Variants in NAALADL2 observed in about 807,000 individuals in gnomAD.
The protein encoded by NAALADL2 is N-acetylated alpha-linked acidic dipeptidase like 2, also known as inactive N-acetylated-alpha-linked acidic dipeptidase-like protein 2.
A neutral mutation model predicts 87.2 loss-of-function variants in NAALADL2; 76 were observed. The observed-to-expected ratio is 0.87, with a 90% CI of 0.72 to 1.05. The LOEUF (loss-of-function observed/expected upper bound fraction) is 1.05, where lower values mean the gene tolerates loss of function less well. Ranked by LOEUF, NAALADL2 falls within the 50% of genes least tolerant of loss-of-function variation. NAALADL2 has a pLI of 0.00. For missense variants in NAALADL2, 1,089 were observed against 945.8 expected (o/e 1.15, Z -1.99); for synonymous variants, 354 against 331.0 (o/e 1.07, Z -0.75).
In NAALADL2 at chr3:175,627,338, A is replaced by G; in HGVS notation, c.1848A>G (p.Lys616=). 1 of 1,573,460 alleles carries G rather than the reference A, an allele frequency of 6.4e-7. No individual in the cohort carries two copies. The highest frequency in any genetic ancestry group is 8.6e-7 in the Non-Finnish European group (1 of 1,156,854). ...CCCGTTTTTCTACACGAGCAACAAA[A>G]ATTGAAGAAATGGATCCCTCTTTCA... ...SEARFSTRAT[K]IEEMDPSFNL... Residue 616 remains lysine (K), a synonymous_variant, in exon 11 of 14, where the codon AAA becomes AAG. Transcript: ENST00000454872.
intron 2 of NAALADL2, among the ~76,000 whole-genome samples, chr3:174,675,292 GAGAGCTGCTGC>G (rs1367973127): frequency 6.6e-6 from 1 of 152,024 alleles, no homozygotes; most frequent in Non-Finnish European, 1.5e-5. Context: ...ATTTGCACTT[GAGAGCTGCTGC>G]AGAAATGGGT....
chr3:174,617,567 G>C (rs897566702), intron 2 of NAALADL2, among the ~76,000 whole-genome samples: 1 of 151,566 alleles, frequency 6.6e-6, no homozygotes, highest in African/African-American at 2.4e-5. Context: ...AAAACAAACT[G>C]TATGTAAATA....
rs76833916 is a variant in NAALADL2 at position 175,661,328 on chromosome 3, G to A, written c.1896+33942G>A. Among the ~76,000 whole-genome samples the A allele has an allele frequency of 5.0e-3, 750 of 149,688 alleles. 6 individuals are homozygous for A. Among genetic ancestry groups the A allele is most frequent in the African/African-American group, 0.017 (686 of 41,070 alleles). ...TTGTTTTTTAGAAATGTCTTTTCAC[G>A]TCTTTTTCCCATTTTTAAATCAGAC... On this transcript the variant is annotated intron_variant, in intron 11 of 13. Transcript: ENST00000454872.
At position 175,573,861 on chromosome 3, in the gene NAALADL2, T is replaced by C. The variant is rs570362468; in HGVS notation, c.1654-2180T>C. 2.6e-5 allele frequency among the ~76,000 whole-genome samples: 4 copies of C among 151,856 alleles called. No individual in the cohort carries two copies. In the East Asian group the frequency reaches 7.7e-4, roughly 29 times the overall value. ...ACCATAAAAAGGATTAAGTTGCTACTGATTAGACTGTATGGTAAAAACATT... is the reference window on the plus strand; with the variant it reads ...ACCATAAAAAGGATTAAGTTGCTACCGATTAGACTGTATGGTAAAAACATT... On this transcript the variant is annotated intron_variant, in intron 9 of 13. Coordinates refer to ENST00000454872, the MANE Select transcript of NAALADL2 (RefSeq NM_207015.3).
intron 11 of NAALADL2, among the ~76,000 whole-genome samples, chr3:175,638,529 A>G (rs1221456658): frequency 6.6e-6 from 1 of 152,196 alleles, no homozygotes; most frequent in African/African-American, 2.4e-5. Flanking sequence ...ATATGGTCAC[A>G]GTGCCTAGAC....
chr3:175,206,515 A>G (rs898573000), intron 2 of NAALADL2, among the ~76,000 whole-genome samples: 2 of 151,684 alleles, frequency 1.3e-5, no homozygotes, highest in Non-Finnish European at 2.9e-5. Context: ...CTAAGCCATG[A>G]GGACACATAA....
chr3:175,388,761 T>TG (rs1388450757), intron 5 of NAALADL2, among the ~76,000 whole-genome samples: 5 of 152,094 alleles, frequency 3.3e-5, no homozygotes, highest in African/African-American at 1.2e-4. Flanking sequence ...TATTTCTTAG[T>TG]GGATTGGTCA....
chr3:175,274,067 A>G (rs1753237829), intron 4 of NAALADL2, among the ~76,000 whole-genome samples: 1 of 152,180 alleles, frequency 6.6e-6, no homozygotes, highest in Non-Finnish European at 1.5e-5. Flanking sequence ...CTAATAAAGA[A>G]TAGGCTGGGT....
chr3:175,433,241 C>A (rs1277993029), intron 5 of NAALADL2, among the ~76,000 whole-genome samples: 1 of 151,998 alleles, frequency 6.6e-6, no homozygotes, highest in African/African-American at 2.4e-5. Flanking sequence ...TCATTTCCTA[C>A]CTCATCTAAG....
intron 1 of NAALADL2, among the ~76,000 whole-genome samples, chr3:174,898,545 A>T (rs1304529923): frequency 6.6e-6 from 1 of 152,100 alleles, no homozygotes; most frequent in African/African-American, 2.4e-5. Flanking sequence ...GCTTGAGGAG[A>T]TGGACATGCT....
chr3:175,405,708 C>T (rs778800568), intron 5 of NAALADL2, among the ~76,000 whole-genome samples: 2 of 94,122 alleles, frequency 2.1e-5, no homozygotes, highest in South Asian at 3.6e-4. Flanking sequence ...ATGAAAAGAA[C>T]GTTTCTTGAA....
chr3:175,043,258 A>G (rs995565450), intron 1 of NAALADL2, among the ~76,000 whole-genome samples: 1 of 151,950 alleles, frequency 6.6e-6, no homozygotes, highest in Non-Finnish European at 1.5e-5. Flanking sequence ...TATGTTTTGG[A>G]TATTAAGTCT....
chr3:174,870,547 G>T (rs1727696841), intron 1 of NAALADL2, among the ~76,000 whole-genome samples: 1 of 151,494 alleles, frequency 6.6e-6, no homozygotes, highest in African/African-American at 2.4e-5. Flanking sequence ...TGACATTAGG[G>T]TTTGTGTCAT....
At chr3:175,098,461 G>A (rs1332322764) in intron 2 of NAALADL2, among the ~76,000 whole-genome samples, 1 of 152,226 alleles carries the variant, frequency 6.6e-6, no homozygotes, top group East Asian at 1.9e-4. Flanking sequence ...TAGTCTAGAG[G>A]GAGAAAGTGA....
chr3:175,753,690 C>T (rs892686188), intron 12 of NAALADL2, among the ~76,000 whole-genome samples: 1 of 151,984 alleles, frequency 6.6e-6, no homozygotes. Flanking sequence ...TGGCTGTGCC[C>T]CTAGAAAGAA....
intron 1 of NAALADL2, among the ~76,000 whole-genome samples, chr3:174,532,216 T>A (rs1208170017): frequency 6.6e-6 from 1 of 152,178 alleles, no homozygotes; most frequent in East Asian, 1.9e-4. Flanking sequence ...TGAAGTCAGA[T>A]CCCTGTCCTT....
At chr3:175,702,916 GA>G (rs998556667) in intron 11 of NAALADL2, among the ~76,000 whole-genome samples, 84 of 145,566 alleles carry the variant, frequency 5.8e-4, no homozygotes, top group Admixed American at 1.8e-3. Flanking sequence ...TTGAGGAAAA[GA>G]AAAAAAAAAG....
At chr3:175,537,918 G>T (rs1002314867) in intron 9 of NAALADL2, among the ~76,000 whole-genome samples, 3 of 152,122 alleles carry the variant, frequency 2.0e-5, no homozygotes, top group Non-Finnish European at 2.9e-5. Context: ...ATGATAAGTT[G>T]ATGCCTTCTG....
At chr3:174,742,530 C>T (rs1228715724) in intron 3 of NAALADL2, among the ~76,000 whole-genome samples, 1 of 151,314 alleles carries the variant, frequency 6.6e-6, no homozygotes, top group African/African-American at 2.4e-5. Context: ...TAATCATATG[C>T]GTATGCAATA....
Sources: allele counts gnomAD v4.1 joint callset (sites outside exome capture counted in the v4.1 genomes callset), GRCh38; gene constraint gnomAD v4.1.1; transcripts MANE v1.5; gene names NCBI Gene and HGNC (gene_info 2026-07-23, HGNC 2026-07-21).